TRPM6: variants seen among roughly 807,000 people sequenced by gnomAD.
TRPM6 encodes transient receptor potential cation channel subfamily M member 6.
TRPM6 carries 111 observed loss-of-function variants against 247.6 expected under a neutral mutation model. That is an observed-to-expected ratio of 0.45 (90% CI 0.38 to 0.52). The LOEUF is 0.52. TRPM6 is among the 20% of genes least tolerant of loss of function. The probability of loss-of-function intolerance (pLI) is 0.00; values close to 1 mark genes in which losing one functional copy is unlikely to be tolerated. For synonymous variants in TRPM6, 892 were observed against 853.8 expected (o/e 1.04, Z -0.78); for missense variants, 2,126 against 2,421.5 (o/e 0.88, Z 2.56).
chr9:74,729,593 T>G (rs1257138444), intron 37 of TRPM6, among the ~76,000 whole-genome samples: 1 of 152,178 alleles, frequency 6.6e-6, no homozygotes. Context: ...CTGGGGGTAT[T>G]TACCCGGCTG....
chr9:74,752,324 C>G lies in TRPM6; in HGVS notation c.4951G>C (p.Gly1651Arg). ...IHQKMKTKEI[G>R]QCAIQISDYL... Reference sequence around the variant, plus strand: ...TCACTGATTTGTATAGCACATTGTCCAATTTCTTTAGTTTTCATTTTCTGA... The same window carrying G: ...TCACTGATTTGTATAGCACATTGTCGAATTTCTTTAGTTTTCATTTTCTGA... Residue 1651 changes from glycine (G) to arginine (R), a missense_variant, in exon 29 of 39, where the codon GGA becomes CGA. Gly to Arg is a moderately radical substitution (Grantham distance 125). Coordinates refer to ENST00000360774, the MANE Select transcript of TRPM6 (RefSeq NM_017662.5). 1.9e-6 allele frequency: 3 copies of G among 1,602,088 alleles called. No individual in the cohort carries two copies. Among genetic ancestry groups the G allele is most frequent in the Non-Finnish European group, 2.6e-6 (3 of 1,172,080 alleles).
intron 36 of TRPM6, among the ~76,000 whole-genome samples, 183 bp from the exon 37 acceptor site, chr9:74,732,919 C>A: frequency 6.6e-6 from 1 of 152,132 alleles, no homozygotes; most frequent in East Asian, 1.9e-4. Flanking sequence ...TCTGGCTGGG[C>A]GCGGTGGCTC....
chr9:74,847,575 C>A (rs1411522061), intron 3 of TRPM6, among the ~76,000 whole-genome samples: 1 of 151,816 alleles, frequency 6.6e-6, no homozygotes, highest in African/African-American at 2.4e-5. Context: ...TATACAACCC[C>A]CCACTGCTAA....
At chr9:74,846,703 C>T (rs1027872941) in intron 3 of TRPM6, among the ~76,000 whole-genome samples, 1 of 152,000 alleles carries the variant, frequency 6.6e-6, no homozygotes, top group African/African-American at 2.4e-5. Context: ...TGTGTCACCA[C>T]GCCTGGATAA....
intron 9 of TRPM6, among the ~76,000 whole-genome samples, chr9:74,818,039 TG>T (rs1399385116): frequency 1.3e-5 from 2 of 152,212 alleles, no homozygotes; most frequent in Non-Finnish European, 2.9e-5. Flanking sequence ...GCCCTCTATG[TG>T]CACGAATAAA....
chr9:74,855,387 C>T, intron 3 of TRPM6, 140 bp downstream of exon 3: 1 of 719,624 alleles, frequency 1.4e-6, no homozygotes, highest in South Asian at 1.5e-5. Context: ...CCATCAAAAA[C>T]ATCTTTTTAA....
intron 27 of TRPM6, 77 bp downstream of exon 27, chr9:74,761,614 TTACAG>T: frequency 1.2e-6 from 1 of 855,798 alleles, no homozygotes; most frequent in Non-Finnish European, 2.0e-6. Flanking sequence ...AGATGGCACT[TTACAG>T]TAAAGATAAA....
At chr9:74,832,759 A>C (rs1380614774) in intron 6 of TRPM6, among the ~76,000 whole-genome samples, 1 of 152,210 alleles carries the variant, frequency 6.6e-6, no homozygotes, top group Non-Finnish European at 1.5e-5. Context: ...CCAAAATCAA[A>C]GTTAAAACAG....
At chr9:74,755,797 G>A (rs1420104001) in intron 27 of TRPM6, among the ~76,000 whole-genome samples, 1 of 152,150 alleles carries the variant, frequency 6.6e-6, no homozygotes, top group Non-Finnish European at 1.5e-5. Flanking sequence ...AATGCAGCAG[G>A]TCTGGAAGGA....
At chr9:74,740,698 T>C (rs1825834562) in intron 33 of TRPM6, among the ~76,000 whole-genome samples, 1 of 152,050 alleles carries the variant, frequency 6.6e-6, no homozygotes, top group South Asian at 2.1e-4. Flanking sequence ...GTTGTGGGAG[T>C]TTTCCACTTG....
At chr9:74,728,584 A>G (rs1825414785) in intron 37 of TRPM6, among the ~76,000 whole-genome samples, 1 of 152,242 alleles carries the variant, frequency 6.6e-6, no homozygotes, top group Non-Finnish European at 1.5e-5. Context: ...CGGCATTTCA[A>G]CGCTAATCTG....
Position 74,834,122 on chromosome 9 carries a change from C to A in TRPM6, c.545G>T (p.Gly182Val). Residue 182 changes from glycine to valine, a missense_variant and splice_region_variant, in exon 6 of 39, where the codon GGA becomes GTA. This residue lies in a region of TRPM6 where 1,082 missense variants were observed against 1,307.9 expected (regional missense o/e 0.83). Coordinates refer to ENST00000360774, the MANE Select transcript of TRPM6 (RefSeq NM_017662.5). ...AWIITEGINTGVSKHVGDALK... is the reference protein window; with the variant it reads ...AWIITEGINTVVSKHVGDALK... ...GGCATCCCCAACATGCTTGGACACTCCTATGAACAACCAGTTTAGAAGTCA... is the reference window on the plus strand; with the variant it reads ...GGCATCCCCAACATGCTTGGACACTACTATGAACAACCAGTTTAGAAGTCA... 6.2e-7 allele frequency: 1 copy of A among 1,614,002 alleles called. No homozygotes were observed. Among genetic ancestry groups the A allele is most frequent in the South Asian group, 1.1e-5 (1 of 91,074 alleles).
intron 1 of TRPM6, 160 bp downstream of exon 1, chr9:74,887,657 GGAGACCA>G (rs1389773313): frequency 1.3e-6 from 2 of 1,591,646 alleles, no homozygotes; most frequent in Non-Finnish European, 1.7e-6. Flanking sequence ...ATCTTTGGGT[GGAGACCA>G]GAGAACTTGA....
chr9:74,724,088 C>T lies in TRPM6; in HGVS notation c.*525G>A, dbSNP rs1825234760. On this transcript the variant is annotated 3_prime_UTR_variant, in exon 39 of 39. Coordinates refer to ENST00000360774, the MANE Select transcript of TRPM6 (RefSeq NM_017662.5). Reference sequence around the variant, plus strand: ...GTGCTCCAATCTGTGCAAACCCACCCTTGTTCCATTGTTTTTCCTATCATT... The same window carrying T: ...GTGCTCCAATCTGTGCAAACCCACCTTTGTTCCATTGTTTTTCCTATCATT... 5.9e-6 allele frequency: 1 copy of T among 170,654 alleles called. No individual in the cohort carries two copies. Among genetic ancestry groups the T allele is most frequent in the Admixed American group, 5.5e-5 (1 of 18,050 alleles). 10.6% of individuals were successfully genotyped at this position (170,654 alleles called of 1,614,324 possible).
intron 38 of TRPM6, among the ~76,000 whole-genome samples, chr9:74,726,963 G>A (rs530089737): frequency 2.6e-5 from 4 of 152,202 alleles, no homozygotes; most frequent in African/African-American, 9.6e-5. Context: ...AGTGAGTCCT[G>A]GCCAGTTGTG....
intron 25 of TRPM6, among the ~76,000 whole-genome samples, chr9:74,769,949 G>A (rs1424714278): frequency 1.3e-5 from 2 of 152,152 alleles, no homozygotes; most frequent in African/African-American, 4.8e-5. Flanking sequence ...TTGCCCGTCG[G>A]ACTCAATGAG....
At position 74,834,012 on chromosome 9, in the gene TRPM6, G is replaced by C. The variant is rs375607832; in HGVS notation, c.655C>G (p.Leu219Val). ...TGTCTACTTACATCTTTTCCAATAA[G>C]GTCTCTCTGGTTCTCAATGACACCC... is the stretch of plus-strand genomic sequence containing the variant. ...PWGVIENQRDLIGKDVVCLYQ... is the reference protein window; with the variant it reads ...PWGVIENQRDVIGKDVVCLYQ... The change falls in exon 6 of 39, where the codon CTT (leucine) becomes GTT (valine). Residue 219 changes from leucine (L) to valine (V), a missense_variant. Leu to Val is a conservative substitution (Grantham distance 32, BLOSUM62 1). Transcript: ENST00000360774. 6.2e-7 allele frequency: 1 copy of C among 1,613,910 alleles called. No homozygotes were observed. The highest frequency in any genetic ancestry group is 2.2e-5 in the East Asian group (1 of 44,886).
rs893931015 is a variant in TRPM6, at chr9:74,820,241, T to A, written c.1134+63A>T. 42 of 1,556,294 alleles carry A rather than the reference T, an allele frequency of 2.7e-5. No homozygotes were observed. The African/African-American group carries it at 4.5e-4, about 17-fold the overall frequency. ...GTTTTTTTTTAATTGTGAAAATAAA[T>A]ATTACAGTGTTTATAAATTAGCAGT... On this transcript the variant is annotated intron_variant, in intron 9 of 38. Coordinates refer to ENST00000360774, the MANE Select transcript of TRPM6 (RefSeq NM_017662.5).
intron 1 of TRPM6, among the ~76,000 whole-genome samples, chr9:74,885,123 A>G (rs565155261): frequency 2.0e-5 from 3 of 152,388 alleles, no homozygotes; most frequent in African/African-American, 7.2e-5. Flanking sequence ...AAACTTTGCA[A>G]ACACAGAGAG....
Sources: gnomAD v4.1 joint callset for allele counts (sites outside exome capture counted in the v4.1 genomes callset) on GRCh38, gnomAD v4.1.1 for gene constraint, gnomAD v4.1.1 regional missense constraint, MANE v1.5 for transcripts, NCBI Gene and HGNC (gene_info 2026-07-23, HGNC 2026-07-21) for gene names.